The following UBN2 variants were observed in gnomAD, a reference collection of about 807,000 sequenced individuals.
UBN2 encodes ubinuclein-2.
Under a neutral mutation model 120.2 loss-of-function variants are expected in UBN2, and 35 were observed. The ratio of observed to expected loss-of-function variants is 0.29; its 90% CI spans 0.22 to 0.39. UBN2 has a LOEUF of 0.39. Among genes scored for constraint, UBN2 ranks in the 10% least tolerant of loss-of-function variants. The pLI, the probability that UBN2 is intolerant of heterozygous loss-of-function variation, is 1.00. For missense variants in UBN2, 1,693 were observed against 1,663.2 expected, an observed-to-expected ratio of 1.02 and a Z score of -0.31; for synonymous variants, 661 against 648.7, an observed-to-expected ratio of 1.02 and a Z score of -0.29.
At position 139,297,989 on chromosome 7, in the gene UBN2, C is replaced by T. The variant is rs773889694; in HGVS notation, c.*153C>T. 100 of 819,474 alleles carry T rather than the reference C, an allele frequency of 1.2e-4. No homozygotes were observed. Among genetic ancestry groups the T allele is most frequent in the Non-Finnish European group, 1.8e-4 (95 of 526,038 alleles). 50.8% of individuals were successfully genotyped at this position (819,474 alleles called of 1,614,324 possible). ...GGTGAGGAGGAAAAAGAAAAGAAAA[C>T]ATTACTTGAGCAAAGCCAGGTGCAG... is the stretch of plus-strand genomic sequence containing the variant. On this transcript the variant is annotated 3_prime_UTR_variant, in exon 18 of 18. Transcript: ENST00000473989.
chr7:139,275,370 T>G (rs1396678752), intron 11 of UBN2, among the ~76,000 whole-genome samples: 2 of 146,746 alleles, frequency 1.4e-5, no homozygotes, highest in African/African-American at 5.1e-5. Flanking sequence ...GATCACGAGG[T>G]CAGGAGATTG....
the UBN2 span, among the ~76,000 whole-genome samples, chr7:139,328,859 GAAA>G: frequency 8.7e-6 from 1 of 114,952 alleles, no homozygotes; most frequent in Admixed American, 9.3e-5. Context: ...CCTGTCTCAA[GAAA>G]AAAAAAAAAA....
At position 139,283,103 on chromosome 7, in the gene UBN2, C is replaced by G. The variant is rs1797662758; in HGVS notation, c.2198C>G (p.Thr733Arg). 6.2e-7 allele frequency: 1 copy of G among 1,613,076 alleles called. No homozygotes were observed. The highest frequency in any genetic ancestry group is 1.7e-5 in the Admixed American group (1 of 59,802). ...SVSGPPTSSS[T>R]AAIAAASSSS... ...AGCGGTCCTCCAACGAGCTCCAGCA[C>G]AGCTGCCATTGCTGCAGCTAGCTCT... The change falls in exon 15 of 18, where the codon ACA becomes AGA. Residue 733 changes from threonine (T) to arginine (R), a missense_variant. Physicochemically the swap from Thr to Arg is moderately conservative, Grantham distance 71 (BLOSUM62 -1). Coordinates refer to ENST00000473989, the MANE Select transcript of UBN2 (RefSeq NM_173569.4).
chr7:139,316,709 C>T, the UBN2 span, among the ~76,000 whole-genome samples: 33 of 151,990 alleles, frequency 2.2e-4, no homozygotes, highest in African/African-American at 6.8e-4. Context: ...CACGCCACTG[C>T]ACTCCAGCCT....
At chr7:139,232,454 T>C (rs1447179530) in intron 1 of UBN2, among the ~76,000 whole-genome samples, 1 of 152,210 alleles carries the variant, frequency 6.6e-6, no homozygotes, top group African/African-American at 2.4e-5. Context: ...CCGTGGCTGC[T>C]GAGGTGTGCT....
chr7:139,310,899 T>A (rs759186972), downstream of UBN2, among the ~76,000 whole-genome samples: 6 of 152,242 alleles, frequency 3.9e-5, no homozygotes, highest in Non-Finnish European at 7.3e-5. Context: ...TTCATAGTAT[T>A]CTATAGTTGT....
chr7:139,297,090 A>AG (rs1798129988), intron 17 of UBN2, among the ~76,000 whole-genome samples: 1 of 151,108 alleles, frequency 6.6e-6, no homozygotes, highest in Non-Finnish European at 1.5e-5. Context: ...GCTACTCGGG[A>AG]GGCTGAGACA....
intron 15 of UBN2, among the ~76,000 whole-genome samples, chr7:139,288,304 C>T (rs1797847809): frequency 6.6e-6 from 1 of 151,946 alleles, no homozygotes; most frequent in Admixed American, 6.6e-5. Context: ...TTGCTGCTAA[C>T]GTAAAAAAGG....
In UBN2 at chr7:139,298,199, G is replaced by T. The variant is rs1798163528; in HGVS notation, c.*363G>T. On this transcript the variant is annotated 3_prime_UTR_variant, in exon 18 of 18. Transcript: ENST00000473989. ...TGGGTAAACTCCATCCATCCTGGGGGTTGGATCTGAACACTTACAGACATA... is the reference window on the plus strand; with the variant it reads ...TGGGTAAACTCCATCCATCCTGGGGTTTGGATCTGAACACTTACAGACATA... 4.5e-6 allele frequency: 1 copy of T among 223,528 alleles called. No homozygotes were observed. The highest frequency in any genetic ancestry group is 8.8e-6 in the Non-Finnish European group (1 of 113,394). 13.8% of individuals were successfully genotyped at this position (223,528 alleles called of 1,614,324 possible).
At chr7:139,281,878 T>A (rs1329844686) in intron 13 of UBN2, 127 bp from the exon 14 acceptor site, 1 of 780,530 alleles carries the variant, frequency 1.3e-6, no homozygotes, top group Non-Finnish European at 2.1e-6. Flanking sequence ...CTTAATGCAG[T>A]TACACTTGTA....
Position 139,237,077 on chromosome 7 carries a change from A to G in UBN2, c.541A>G (p.Lys181Glu). ...QERQEVEMLA[K>E]KFEMKYGGKP... Reference sequence around the variant, plus strand: ...GAGGCAAGAGGTGGAAATGTTGGCTAAGAAGTTTGAAATGAAATATGTGAG... The same window carrying G: ...GAGGCAAGAGGTGGAAATGTTGGCTGAGAAGTTTGAAATGAAATATGTGAG... The change falls in exon 2 of 18, where the codon AAG (lysine) becomes GAG (glutamate). Residue 181 changes from lysine to glutamate, a missense_variant. By Grantham distance (56) the Lys-to-Glu change is moderately conservative. Transcript: ENST00000473989. 1 of 1,609,254 alleles carries G rather than the reference A, an allele frequency of 6.2e-7. No homozygotes were observed. The highest frequency in any genetic ancestry group is 1.7e-5 in the Admixed American group (1 of 59,834).
At chr7:139,234,046 A>G (rs527439257) in intron 1 of UBN2, among the ~76,000 whole-genome samples, 1 of 152,252 alleles carries the variant, frequency 6.6e-6, no homozygotes, top group East Asian at 1.9e-4. Flanking sequence ...GCCAGTGTAT[A>G]TCCTTATTAT....
At chr7:139,320,607 C>G in the UBN2 span, among the ~76,000 whole-genome samples, 1 of 152,084 alleles carries the variant, frequency 6.6e-6, no homozygotes, top group African/African-American at 2.4e-5. Context: ...CCTGTAATCC[C>G]AACACTTTGG....
At chr7:139,274,763 AAAAAAAAAAAAAAG>A (rs1213010092) in intron 11 of UBN2, among the ~76,000 whole-genome samples, 1 of 142,274 alleles carries the variant, frequency 7.0e-6, no homozygotes, top group African/African-American at 2.6e-5. Context: ...ACTCCGTCTC[AAAAAAAAAAAAAAG>A]AAAAAGAAAA....
At chr7:139,234,384 C>A (rs942667518) in intron 1 of UBN2, among the ~76,000 whole-genome samples, 10 of 152,056 alleles carry the variant, frequency 6.6e-5, no homozygotes, top group Non-Finnish European at 1.3e-4. Context: ...ACTAAATGAA[C>A]AGTAAAACCC....
downstream of UBN2, among the ~76,000 whole-genome samples, chr7:139,310,997 CA>C (rs1798440192): frequency 6.6e-6 from 1 of 152,150 alleles, no homozygotes; most frequent in Admixed American, 6.5e-5. Flanking sequence ...ATATTGCAAA[CA>C]GTCAAAAGTT....
Position 139,304,368 on chromosome 7 carries a change from G to C in UBN2, c.*6532G>C, listed in dbSNP as rs1488517486. On this transcript the variant is annotated 3_prime_UTR_variant, in exon 18 of 18. Transcript: ENST00000473989. ...GGAAACATGTTTTCCCCAGCTCCCA[G>C]GAGGAGACGAAGATCATTTTATCCC... The C allele has an allele frequency of 6.6e-6, 1 of 152,156 alleles. No individual in the cohort carries two copies. Among genetic ancestry groups the C allele is most frequent in the Non-Finnish European group, 1.5e-5 (1 of 68,036 alleles). The allele number at this position is 152,156 out of a possible 1,614,324, so 9.4% of individuals were successfully genotyped here.
chr7:139,319,662 A>G, the UBN2 span, among the ~76,000 whole-genome samples: 3 of 152,192 alleles, frequency 2.0e-5, no homozygotes, highest in South Asian at 2.1e-4. Context: ...CAGGGCAAAC[A>G]ACACGTTCCT....
At chr7:139,258,254 A>G (rs961348830) in intron 3 of UBN2, among the ~76,000 whole-genome samples, 1 of 152,172 alleles carries the variant, frequency 6.6e-6, no homozygotes, top group African/African-American at 2.4e-5. Flanking sequence ...AGCAGGTGAT[A>G]TATTTAGAAT....
Sources: gnomAD v4.1 joint callset for allele counts (sites outside exome capture counted in the v4.1 genomes callset) on GRCh38, gnomAD v4.1.1 for gene constraint, MANE v1.5 for transcripts, NCBI Gene and HGNC (gene_info 2026-07-23, HGNC 2026-07-21) for gene names.